Variants in TENM4 observed in about 807,000 individuals in gnomAD.
TENM4 encodes the protein teneurin-4.
Under a neutral mutation model 243.3 loss-of-function variants are expected in TENM4, and 82 were observed. The ratio of observed to expected loss-of-function variants is 0.34; its 90% CI spans 0.28 to 0.40. The LOEUF is 0.40. Ranked by LOEUF, TENM4 falls within the 10% of genes least tolerant of loss-of-function variation. TENM4 has a pLI of 1.00. For missense variants in TENM4, 3,138 were observed against 3,673.3 expected (o/e 0.85, Z 3.77); for synonymous variants, 1,412 against 1,456.3 (o/e 0.97, Z 0.69).
chr11:78,674,380 A>G (rs930080801), intron 30 of TENM4, among the ~76,000 whole-genome samples: 1 of 152,190 alleles, frequency 6.6e-6, no homozygotes, highest in Non-Finnish European at 1.5e-5. Context: ...CACCCGTCCC[A>G]ATCTCAGGTT....
rs1218977337 is a variant in TENM4 at position 78,656,331 on chromosome 11, A to G, written c.*1727T>C. 1 of 152,368 alleles carries G rather than the reference A, an allele frequency of 6.6e-6. No homozygotes were observed. The highest frequency in any genetic ancestry group is 1.9e-4 in the East Asian group (1 of 5,190). The allele number at this position is 152,368 out of a possible 1,614,324, so 9.4% of individuals were successfully genotyped here. A position where few individuals can be genotyped will look rare whatever the true frequency, so the allele number is the denominator to read the frequency against. On this transcript the variant is annotated 3_prime_UTR_variant, in exon 34 of 34. Transcript: ENST00000278550. ...ACTTAATGTAAATGTAACCCATAAA[A>G]GTTCCATTTTCTAAGAAGCCCAGCT...
At chr11:79,228,797 A>G (rs1011334668) in intron 2 of TENM4, among the ~76,000 whole-genome samples, 10 of 152,204 alleles carry the variant, frequency 6.6e-5, no homozygotes, top group African/African-American at 1.9e-4. Flanking sequence ...TGCTATACCT[A>G]ACACCTAGTT....
intron 6 of TENM4, among the ~76,000 whole-genome samples, chr11:79,051,705 G>A (rs1263254368): frequency 6.6e-6 from 1 of 152,208 alleles, no homozygotes. Flanking sequence ...TGTGCCAGAT[G>A]TGCAGGTTTG....
chr11:78,721,150 T>C (rs1467861887), intron 24 of TENM4, among the ~76,000 whole-genome samples: 1 of 152,142 alleles, frequency 6.6e-6, no homozygotes. Flanking sequence ...GTGCTTTCTG[T>C]TGTGGTCCAT....
At chr11:78,997,939 T>C (rs1450849279) in intron 6 of TENM4, among the ~76,000 whole-genome samples, 1 of 152,166 alleles carries the variant, frequency 6.6e-6, no homozygotes, top group Non-Finnish European at 1.5e-5. Flanking sequence ...CTCTCTTCTC[T>C]CTTTCCTTGG....
At chr11:78,929,576 T>C (rs1308028172) in intron 6 of TENM4, among the ~76,000 whole-genome samples, 1 of 152,138 alleles carries the variant, frequency 6.6e-6, no homozygotes, top group African/African-American at 2.4e-5. Context: ...TGGGAGCTGG[T>C]GGCCTTTATT....
intron 6 of TENM4, among the ~76,000 whole-genome samples, chr11:79,043,561 T>C (rs559246644): frequency 6.6e-6 from 1 of 152,178 alleles, no homozygotes; most frequent in African/African-American, 2.4e-5. Flanking sequence ...AAGCCACTCA[T>C]ATATTAGGGT....
At chr11:79,258,461 TA>T (rs1422400083) in intron 2 of TENM4, among the ~76,000 whole-genome samples, 1 of 152,214 alleles carries the variant, frequency 6.6e-6, no homozygotes, top group African/African-American at 2.4e-5. Flanking sequence ...TCAATAACTC[TA>T]TACAACTTCT....
chr11:79,195,901 T>A (rs2135177594), intron 3 of TENM4, among the ~76,000 whole-genome samples: 1 of 152,188 alleles, frequency 6.6e-6, no homozygotes, highest in East Asian at 1.9e-4. Flanking sequence ...AATCTCAACT[T>A]GAATTGTATC....
intron 1 of TENM4, among the ~76,000 whole-genome samples, chr11:79,397,990 C>T (rs1858380121): frequency 6.6e-6 from 1 of 152,142 alleles, no homozygotes; most frequent in Non-Finnish European, 1.5e-5. Context: ...AAAAGACTAT[C>T]ATTCCCAGCG....
At chr11:79,134,765 A>C (rs1243128542) in intron 4 of TENM4, among the ~76,000 whole-genome samples, 1 of 152,210 alleles carries the variant, frequency 6.6e-6, no homozygotes, top group East Asian at 1.9e-4. Flanking sequence ...TATTCAACAC[A>C]TGGTGCTGGG....
At chr11:78,694,367 T>C (rs1363737754) in intron 28 of TENM4, among the ~76,000 whole-genome samples, 1 of 152,196 alleles carries the variant, frequency 6.6e-6, no homozygotes, top group Non-Finnish European at 1.5e-5. Context: ...CTGTAATAGA[T>C]GTCATCACGA....
chr11:78,912,517 A>G (rs1378005002), intron 6 of TENM4, among the ~76,000 whole-genome samples: 1 of 152,274 alleles, frequency 6.6e-6, no homozygotes, highest in East Asian at 1.9e-4. Context: ...CGGCCTCCCA[A>G]AGTGCTGGGA....
Position 79,383,189 on chromosome 11 carries a change from G to A in TENM4, c.-321+57320C>T, listed in dbSNP as rs1351433941. Among the ~76,000 whole-genome samples, 12 of 152,290 alleles carry A rather than the reference G, an allele frequency of 7.9e-5. No homozygotes were observed. The East Asian group carries it at 1.9e-3, about 25-fold the overall frequency. Reference sequence around the variant, plus strand: ...GAAAGCACTAGCAGGAGAGGGGAGGGCAGGAGGGGAAGAGCCTTGCCTCCG... The same window carrying A: ...GAAAGCACTAGCAGGAGAGGGGAGGACAGGAGGGGAAGAGCCTTGCCTCCG... On this transcript the variant is annotated intron_variant, in intron 1 of 33. Coordinates refer to ENST00000278550, the MANE Select transcript of TENM4 (RefSeq NM_001098816.3).
intron 4 of TENM4, among the ~76,000 whole-genome samples, chr11:79,117,883 T>TC (rs1861654336): frequency 6.6e-6 from 1 of 152,144 alleles, no homozygotes; most frequent in Admixed American, 6.5e-5. Context: ...ACACACTAGT[T>TC]CCCTTTCCCC....
rs984792755 is a variant in TENM4, at chr11:78,863,004, C to A, written c.1213G>T (p.Gly405Cys). The A allele has an allele frequency of 2.7e-6, 4 of 1,506,822 alleles. No individual in the cohort carries two copies. The highest frequency in any genetic ancestry group is 1.4e-5 in the African/African-American group (1 of 72,180). 93.3% of individuals were successfully genotyped at this position (1,506,822 alleles called of 1,614,324 possible). The change falls in exon 10 of 34, where the codon GGC becomes TGC. Residue 405 changes from glycine (G) to cysteine (C), a missense_variant. Physicochemically the swap from Gly to Cys is radical, Grantham distance 159. Around this residue, in one of 2 missense-constraint regions of TENM4, gnomAD observed 671 missense variants for 614.1 expected, o/e 1.09. Coordinates refer to ENST00000278550, the MANE Select transcript of TENM4 (RefSeq NM_001098816.3). Reference protein sequence around the residue: ...DVSLYPSGGTGLETPDRKGKG... With the variant: ...DVSLYPSGGTCLETPDRKGKG... ...CCTTTCCTGTCAGGGGTCTCTAAGC[C>A]AGTGCCCCCTGAGGGGTATAGGGAG...
chr11:79,100,779 C>T (rs888362222), intron 4 of TENM4, among the ~76,000 whole-genome samples: 2 of 152,092 alleles, frequency 1.3e-5, no homozygotes, highest in African/African-American at 4.8e-5. Context: ...ACAAGGAAGC[C>T]CCTCCCTCTC....
At chr11:79,311,418 A>T (rs1856719393) in intron 1 of TENM4, among the ~76,000 whole-genome samples, 1 of 152,196 alleles carries the variant, frequency 6.6e-6, no homozygotes, top group African/African-American at 2.4e-5. Flanking sequence ...CCTCAGAGCC[A>T]TTGGAGGCTA....
intron 3 of TENM4, among the ~76,000 whole-genome samples, chr11:79,193,564 C>G (rs145425162): frequency 6.6e-6 from 1 of 152,114 alleles, no homozygotes; most frequent in Non-Finnish European, 1.5e-5. Flanking sequence ...TGCTGAGTGA[C>G]GAGTTGGGCT....
Sources: gnomAD v4.1 joint callset for allele counts (sites outside exome capture counted in the v4.1 genomes callset) on GRCh38, gnomAD v4.1.1 for gene constraint, gnomAD v4.1.1 regional missense constraint, MANE v1.5 for transcripts, NCBI Gene and HGNC (gene_info 2026-07-23, HGNC 2026-07-21) for gene names.